The following TMEM132D variants were observed in gnomAD, a reference collection of about 807,000 sequenced individuals.
The protein encoded by TMEM132D is transmembrane protein 132D.
In TMEM132D, 21 loss-of-function variants were observed where a neutral mutation model predicts 62.3. The observed-to-expected ratio is 0.34, with a 90% CI of 0.24 to 0.49. TMEM132D has a LOEUF of 0.49. Ranked by LOEUF, TMEM132D falls within the 20% of genes least tolerant of loss-of-function variation. The probability of loss-of-function intolerance (pLI) is 0.99; values close to 1 mark genes in which losing one functional copy is unlikely to be tolerated. For missense variants in TMEM132D, 1,346 were observed against 1,402.8 expected, an observed-to-expected ratio of 0.96 and a Z score of 0.65; for synonymous variants, 621 against 575.6, an observed-to-expected ratio of 1.08 and a Z score of -1.13.
intron 3 of TMEM132D, among the ~76,000 whole-genome samples, chr12:129,350,915 C>T (rs199698951): frequency 5.0e-4 from 76 of 152,304 alleles, no homozygotes; most frequent in African/African-American, 1.7e-3. Context: ...CTATACATGA[C>T]GAATGAGGGC....
At chr12:129,486,838 A>C (rs539589341) in intron 3 of TMEM132D, among the ~76,000 whole-genome samples, 1 of 151,624 alleles carries the variant, frequency 6.6e-6, no homozygotes. Context: ...GCACCTAGCT[A>C]TGTGGCAGGT....
intron 2 of TMEM132D, among the ~76,000 whole-genome samples, chr12:129,663,679 G>A (rs988113554): frequency 2.0e-5 from 3 of 152,160 alleles, no homozygotes; most frequent in Non-Finnish European, 4.4e-5. Context: ...TTCTGGCAGG[G>A]TGACCAGGAA....
intron 3 of TMEM132D, among the ~76,000 whole-genome samples, chr12:129,349,051 T>A (rs1370886001): frequency 6.6e-6 from 1 of 152,224 alleles, no homozygotes; most frequent in Non-Finnish European, 1.5e-5. Context: ...TACTTATCCT[T>A]TAAGCTGCTC....
At chr12:129,818,052 GATGT>G (rs1276995396) in intron 1 of TMEM132D, among the ~76,000 whole-genome samples, 1 of 146,680 alleles carries the variant, frequency 6.8e-6, no homozygotes, top group African/African-American at 2.5e-5. Flanking sequence ...TGTGGTGTGA[GATGT>G]ATGTGTGTGT....
chr12:129,322,426 T>C (rs976161776), intron 4 of TMEM132D, among the ~76,000 whole-genome samples: 2 of 152,226 alleles, frequency 1.3e-5, no homozygotes, highest in African/African-American at 4.8e-5. Flanking sequence ...AGAGCATTGA[T>C]ACAATGTTTT....
At chr12:129,167,574 A>G (rs1240727276) in intron 5 of TMEM132D, among the ~76,000 whole-genome samples, 1 of 152,080 alleles carries the variant, frequency 6.6e-6, no homozygotes, top group Admixed American at 6.5e-5. Flanking sequence ...TCTCCATAGG[A>G]TGAAGAAAGA....
intron 3 of TMEM132D, among the ~76,000 whole-genome samples, chr12:129,432,191 A>G (rs1233149441): frequency 7.0e-6 from 1 of 143,050 alleles, no homozygotes; most frequent in Non-Finnish European, 1.5e-5. Context: ...GGATGGATGG[A>G]TGGATGGATG....
At chr12:129,840,201 G>A (rs991496754) in intron 1 of TMEM132D, 2 of 152,282 alleles carry the variant, frequency 1.3e-5, no homozygotes, top group Non-Finnish European at 2.9e-5. Flanking sequence ...GAGGCTCTTC[G>A]TCCTCTGCAG....
At chr12:129,739,252 G>A (rs1043031405) in intron 1 of TMEM132D, among the ~76,000 whole-genome samples, 5 of 152,140 alleles carry the variant, frequency 3.3e-5, no homozygotes, top group African/African-American at 1.2e-4. Context: ...AACAAGAATC[G>A]CTTCAACACA....
intron 4 of TMEM132D, among the ~76,000 whole-genome samples, chr12:129,217,016 CTTTT>C (rs1404420117): frequency 6.6e-6 from 1 of 151,898 alleles, no homozygotes; most frequent in East Asian, 1.9e-4. Context: ...TGTTGTTGTT[CTTTT>C]TTGTCCCTAA....
At chr12:129,437,738 TTTTTC>T (rs1365548545) in intron 3 of TMEM132D, among the ~76,000 whole-genome samples, 7 of 152,102 alleles carry the variant, frequency 4.6e-5, no homozygotes, top group Non-Finnish European at 1.0e-4. Flanking sequence ...TTCTTTTTTT[TTTTTC>T]TTTTTTTAAA....
chr12:129,567,316 C>T (rs892148957), intron 2 of TMEM132D, among the ~76,000 whole-genome samples: 1 of 152,154 alleles, frequency 6.6e-6, no homozygotes, highest in Non-Finnish European at 1.5e-5. Flanking sequence ...TGATATTATA[C>T]AATCACGTGT....
chr12:129,673,384 G>A (rs775902926), intron 2 of TMEM132D, among the ~76,000 whole-genome samples: 7 of 152,126 alleles, frequency 4.6e-5, no homozygotes, highest in South Asian at 4.1e-4. Context: ...TCTGGGTAAC[G>A]TACAGATCCG....
chr12:129,401,509 C>A (rs972065200), intron 3 of TMEM132D, among the ~76,000 whole-genome samples: 1 of 152,010 alleles, frequency 6.6e-6, no homozygotes, highest in Non-Finnish European at 1.5e-5. Context: ...GTGGAGGCTG[C>A]AGTGAGCTGA....
intron 1 of TMEM132D, among the ~76,000 whole-genome samples, chr12:129,834,324 G>C (rs191462866): frequency 6.6e-6 from 1 of 152,006 alleles, no homozygotes; most frequent in African/African-American, 2.4e-5. Flanking sequence ...TGGAGTTATG[G>C]ACAATTAGTC....
chr12:129,445,410 A>G (rs1047362950), intron 3 of TMEM132D, among the ~76,000 whole-genome samples: 2 of 152,150 alleles, frequency 1.3e-5, no homozygotes, highest in Admixed American at 1.3e-4. Context: ...AACCCCCAAG[A>G]TACAAGTTTA....
chr12:129,505,403 C>T (rs555654292), intron 3 of TMEM132D, among the ~76,000 whole-genome samples: 12 of 152,002 alleles, frequency 7.9e-5, no homozygotes, highest in South Asian at 2.1e-4. Flanking sequence ...CCACCATGCC[C>T]GGCTAATTTT....
intron 3 of TMEM132D, among the ~76,000 whole-genome samples, chr12:129,525,275 A>C (rs1307189035): frequency 7.5e-6 from 1 of 134,170 alleles, no homozygotes. Flanking sequence ...ATTAATAGAA[A>C]TGATATCTAG....
intron 1 of TMEM132D, among the ~76,000 whole-genome samples, chr12:129,733,228 A>G (rs1869309416): frequency 6.6e-6 from 1 of 152,172 alleles, no homozygotes; most frequent in African/African-American, 2.4e-5. Flanking sequence ...GGCCTTGGGC[A>G]CACCTGAATC....
Sources: allele counts gnomAD v4.1 joint callset (sites outside exome capture counted in the v4.1 genomes callset), GRCh38; gene constraint gnomAD v4.1.1; transcripts MANE v1.5; gene names NCBI Gene and HGNC (gene_info 2026-07-23, HGNC 2026-07-21).